Variants in GPC3 observed in about 807,000 individuals in gnomAD.
GPC3 encodes the protein glypican-3.
GPC3 carries 3 observed loss-of-function variants against 34.4 expected under a neutral mutation model. That is an observed-to-expected ratio of 0.09 (90% CI 0.04 to 0.23). GPC3 has a LOEUF of 0.23. Among genes scored for constraint, GPC3 ranks in the 10% least tolerant of loss-of-function variants. GPC3 has a pLI of 1.00. For missense variants in GPC3, 351 were observed against 445.6 expected (o/e 0.79, Z 1.91); for synonymous variants, 177 against 174.0 (o/e 1.02, Z -0.13).
chrX:133,777,038 C>T (rs775887869), intron 2 of GPC3, among the ~76,000 whole-genome samples: 5 of 108,522 alleles, frequency 4.6e-5, no homozygotes, highest in Non-Finnish European at 9.6e-5. Context: ...CACCACCACG[C>T]CCAGCTAATT....
At chrX:133,658,595 G>GA (rs2124398150) in intron 6 of GPC3, among the ~76,000 whole-genome samples, 1 of 111,599 alleles carries the variant, frequency 9.0e-6, no homozygotes, top group African/African-American at 3.2e-5. Flanking sequence ...TTTAAGGACT[G>GA]AAAAAATGTG....
At chrX:133,542,556 C>T (rs983340654) in intron 7 of GPC3, among the ~76,000 whole-genome samples, 1 of 112,244 alleles carries the variant, frequency 8.9e-6, no homozygotes, top group Non-Finnish European at 1.9e-5. Context: ...TATCAAAATG[C>T]CAGGAGAGAA....
In GPC3 at chrX:133,671,601, A is replaced by C. The variant is rs764034474; in HGVS notation, c.1293-9751T>G. ...CCAACAACAGCCTTTCAGAAATTAC[A>C]AGTAGATTTCAGTAGAGAGGAAGCA... On this transcript the variant is annotated intron_variant, in intron 5 of 7. Transcript: ENST00000370818. Among the ~76,000 whole-genome samples, 128 of 112,327 alleles carry C rather than the reference A, an allele frequency of 1.1e-3. 1 individual carries two copies. The highest frequency in any genetic ancestry group is 3.9e-3 in the African/African-American group (122 of 30,963).
At chrX:133,630,706 T>G (rs946107435) in intron 6 of GPC3, among the ~76,000 whole-genome samples, 3 of 111,840 alleles carry the variant, frequency 2.7e-5, no homozygotes, top group Non-Finnish European at 5.6e-5. Context: ...TGGGTGGCCT[T>G]GTGCCCCAGA....
At chrX:133,930,826 C>G (rs890590833) in intron 2 of GPC3, among the ~76,000 whole-genome samples, 1 of 111,352 alleles carries the variant, frequency 9.0e-6, no homozygotes, top group East Asian at 2.8e-4. Context: ...TTAGTAGAGA[C>G]GGGGTTTCAC....
intron 2 of GPC3, 98 bp from the exon 3 acceptor site, chrX:133,754,274 T>C: frequency 1.6e-6 from 1 of 628,714 alleles, no homozygotes; most frequent in Non-Finnish European, 2.5e-6. Context: ...ATTGCTGTGG[T>C]GATTAAGGTC....
In GPC3 at chrX:133,866,031, C is replaced by A. The variant is rs780596695; in HGVS notation, c.337+87019G>T. 4.5e-5 allele frequency among the ~76,000 whole-genome samples: 5 copies of A among 111,962 alleles called. No homozygotes were observed. In the South Asian group the frequency reaches 1.9e-3, roughly 42 times the overall value. Reference sequence around the variant, plus strand: ...TATGAAAAATTGAAATAAAAATAGACCACAATATCTGGTATTTCCAGACAC... The same window carrying A: ...TATGAAAAATTGAAATAAAAATAGAACACAATATCTGGTATTTCCAGACAC... On this transcript the variant is annotated intron_variant, in intron 2 of 7. Transcript: ENST00000370818.
intron 7 of GPC3, among the ~76,000 whole-genome samples, chrX:133,556,658 G>A (rs781283963): frequency 9.3e-6 from 1 of 107,064 alleles, no homozygotes; most frequent in African/African-American, 3.4e-5. Flanking sequence ...GTACAGATTG[G>A]TTGGAGAAAA....
chrX:133,659,598 A>G (rs1224476321), intron 6 of GPC3, among the ~76,000 whole-genome samples: 3 of 111,137 alleles, frequency 2.7e-5, no homozygotes, highest in Non-Finnish European at 5.7e-5. Flanking sequence ...TTATTTAACC[A>G]CTTCTTATGC....
chrX:133,624,141 T>C (rs2070267950), intron 6 of GPC3, among the ~76,000 whole-genome samples: 1 of 111,818 alleles, frequency 8.9e-6, no homozygotes, highest in Non-Finnish European at 1.9e-5. Context: ...CCAGAATCTC[T>C]GGGACATATT....
chrX:133,726,875 C>T (rs1418367211), intron 3 of GPC3, among the ~76,000 whole-genome samples: 1 of 112,255 alleles, frequency 8.9e-6, no homozygotes, highest in Non-Finnish European at 1.9e-5. Flanking sequence ...ATTTGCTCCT[C>T]TCTGCATATT....
intron 7 of GPC3, among the ~76,000 whole-genome samples, chrX:133,570,100 T>C (rs897446041): frequency 9.0e-6 from 1 of 110,975 alleles, no homozygotes; most frequent in Non-Finnish European, 1.9e-5. Flanking sequence ...ACCGTGTTAG[T>C]CAGGATGGTC....
At chrX:133,732,381 A>G (rs2071470483) in intron 3 of GPC3, among the ~76,000 whole-genome samples, 1 of 111,948 alleles carries the variant, frequency 8.9e-6, no homozygotes, top group South Asian at 3.7e-4. Flanking sequence ...CAGAGCATTT[A>G]TAACCTGAGA....
chrX:133,904,339 T>C (rs2076158851), intron 2 of GPC3, among the ~76,000 whole-genome samples: 1 of 111,473 alleles, frequency 9.0e-6, no homozygotes, highest in Non-Finnish European at 1.9e-5. Context: ...AATAATTCTG[T>C]GAAACAAGGT....
At chrX:133,578,873 A>G (rs190358060) in intron 7 of GPC3, among the ~76,000 whole-genome samples, 239 of 109,972 alleles carry the variant, frequency 2.2e-3, no homozygotes, top group African/African-American at 7.4e-3. Flanking sequence ...AATGTCTGCT[A>G]TGGAGAGGGA....
At chrX:133,564,011 C>G (rs889280801) in intron 7 of GPC3, among the ~76,000 whole-genome samples, 12 of 110,447 alleles carry the variant, frequency 1.1e-4, no homozygotes, top group African/African-American at 3.6e-4. Context: ...GAAAGGGGTC[C>G]TAGGATCAAG....
chrX:133,754,453 T>C (rs1241142912), intron 2 of GPC3, among the ~76,000 whole-genome samples: 1 of 112,238 alleles, frequency 8.9e-6, no homozygotes, highest in Non-Finnish European at 1.9e-5. Flanking sequence ...AAGCCAAGAT[T>C]CAGTTAACAT....
At chrX:133,614,498 C>G (rs1488857333) in intron 6 of GPC3, among the ~76,000 whole-genome samples, 2 of 110,558 alleles carry the variant, frequency 1.8e-5, no homozygotes, top group Non-Finnish European at 3.8e-5. Flanking sequence ...TCTAATAATT[C>G]TATAACCAGC....
At chrX:133,739,283 T>C (rs2071541804) in intron 3 of GPC3, among the ~76,000 whole-genome samples, 1 of 111,458 alleles carries the variant, frequency 9.0e-6, no homozygotes, top group South Asian at 3.8e-4. Context: ...TTATCAATGA[T>C]GGTGCTACTA....
Sources: allele counts gnomAD v4.1 joint callset (sites outside exome capture counted in the v4.1 genomes callset), GRCh38; gene constraint gnomAD v4.1.1; transcripts MANE v1.5; gene names NCBI Gene and HGNC (gene_info 2026-07-23, HGNC 2026-07-21).